Variants in MEIOB observed in about 807,000 individuals in gnomAD.
The protein encoded by MEIOB is meiosis-specific with OB domain-containing protein.
In MEIOB, 50 loss-of-function variants were observed where a neutral mutation model predicts 53.1. The observed-to-expected ratio is 0.94, with a 90% CI of 0.75 to 1.19. The LOEUF is 1.19. Among genes scored for constraint, MEIOB ranks in the 50% most tolerant of loss-of-function variants. The pLI is 0.00. For missense variants in MEIOB, 551 were observed against 550.8 expected, an observed-to-expected ratio of 1.00 and a Z score of 0.00; for synonymous variants, 192 against 182.5, an observed-to-expected ratio of 1.05 and a Z score of -0.42.
intron 6 of MEIOB, among the ~76,000 whole-genome samples, chr16:1,855,093 G>A (rs5006379): frequency 0.82 from 125,109 of 151,828 alleles, 51,633 homozygotes; most frequent in Middle Eastern, 0.9. Flanking sequence ...GAGTTTTAAA[G>A]TGAAACGCCA....
intron 11 of MEIOB, 106 bp from the exon 12 acceptor site, chr16:1,839,544 AACTT>A (rs1200413212): frequency 1.9e-6 from 2 of 1,049,786 alleles, no homozygotes; most frequent in African/African-American, 1.6e-5. Flanking sequence ...GTGTGTGGAA[AACTT>A]ACTGAGTGTT....
Position 1,834,317 on chromosome 16 carries a change from G to C in MEIOB, c.1355C>G (p.Ser452Trp). Residue 452 changes from serine (S) to tryptophan (W), a missense_variant, in exon 14 of 14, where the codon TCG (serine) becomes TGG (tryptophan). Coordinates refer to ENST00000325962, the MANE Select transcript of MEIOB (RefSeq NM_001163560.3). ...CTCAGTAGGATCTGCAAGCTTGCAC[G>C]AGAGTACACTAATTTTCAATCCACT... The part of the protein sequence containing the change: ...ARSGLKISVL[S>W]CKLADPTEAS... 6.2e-7 allele frequency: 1 copy of C among 1,613,086 alleles called. No individual in the cohort carries two copies. The highest frequency in any genetic ancestry group is 8.5e-7 in the Non-Finnish European group (1 of 1,179,198).
In MEIOB at chr16:1,854,168, G is replaced by T. The variant is rs1899240662; in HGVS notation, c.561C>A (p.Asp187Glu). The T allele has an allele frequency of 6.5e-7, 1 of 1,550,188 alleles. No homozygotes were observed. The highest frequency in any genetic ancestry group is 2.0e-5 in the Admixed American group (1 of 50,828). The part of the protein sequence containing the change: ...VGEPKYFTTS[D>E]RRKGQRCEVR... ...CTTCACACCTCTGGCCTTTTCTCCG[G>T]TCTGAAGTTGTAAAGTATTTTGGCT... The change falls in exon 7 of 14, where the codon GAC (aspartate) becomes GAA (glutamate). Residue 187 changes from aspartate (D) to glutamate (E), a missense_variant. Coordinates refer to ENST00000325962, the MANE Select transcript of MEIOB (RefSeq NM_001163560.3).
chr16:1,853,972 T>C (rs978738467), intron 7 of MEIOB, 128 bp downstream of exon 7: 3 of 663,236 alleles, frequency 4.5e-6, no homozygotes, highest in African/African-American at 1.8e-5. Context: ...GATTTATTTT[T>C]TAAAATATCA....
intron 9 of MEIOB, 99 bp downstream of exon 9, chr16:1,852,940 T>A: frequency 1.3e-6 from 1 of 765,678 alleles, no homozygotes; most frequent in Non-Finnish European, 2.1e-6. Context: ...TAATTTGAAT[T>A]AAATCCAGGC....
At chr16:1,867,462 ATTTTTTTTTTT>A (rs869208139) in intron 2 of MEIOB, among the ~76,000 whole-genome samples, 13 of 102,930 alleles carry the variant, frequency 1.3e-4, no homozygotes, top group African/African-American at 5.1e-4. Flanking sequence ...AAATGGTTTA[ATTTTTTTTTTT>A]TTTTTTTTTT....
intron 7 of MEIOB, 130 bp downstream of exon 7, chr16:1,853,970 T>C (rs1431916316): frequency 3.0e-6 from 2 of 660,520 alleles, no homozygotes; most frequent in African/African-American, 1.8e-5. Flanking sequence ...GAGATTTATT[T>C]TTTAAAATAT....
intron 9 of MEIOB, among the ~76,000 whole-genome samples, chr16:1,845,592 G>A (rs1469061456): frequency 6.6e-6 from 1 of 151,988 alleles, no homozygotes; most frequent in Admixed American, 6.6e-5. Context: ...TCTCTAGACA[G>A]TGGGATTGTA....
In MEIOB at chr16:1,844,928, G is replaced by C. The variant is rs35694423; in HGVS notation, c.814C>G (p.Arg272Gly). 1 of 1,551,334 alleles carries C rather than the reference G, an allele frequency of 6.4e-7. No homozygotes were observed. The highest frequency in any genetic ancestry group is 1.7e-5 in the Admixed American group (1 of 58,044). Residue 272 changes from arginine (R) to glycine (G), a missense_variant, in exon 10 of 14, where the codon CGA (arginine) becomes GGA (glycine). Transcript: ENST00000325962. ...AGAACATTCGTTTCTTTATTTTCTCGTATAAAATTCAGCAGAATGTTAGCT... is the reference window on the plus strand; with the variant it reads ...AGAACATTCGTTTCTTTATTTTCTCCTATAAAATTCAGCAGAATGTTAGCT... ...PEANILLNFI[R>G]ENKETNVLDD...
intron 11 of MEIOB, 114 bp from the exon 12 acceptor site, chr16:1,839,552 G>T: frequency 2.1e-6 from 2 of 931,192 alleles, no homozygotes; most frequent in Non-Finnish European, 3.2e-6. Flanking sequence ...AAAACTTACT[G>T]AGTGTTCAGT....
intron 9 of MEIOB, among the ~76,000 whole-genome samples, chr16:1,846,457 G>C (rs1321209174): frequency 1.3e-5 from 2 of 152,172 alleles, no homozygotes; most frequent in Non-Finnish European, 2.9e-5. Flanking sequence ...AAGCCATTTA[G>C]AGCTTCTTAA....
chr16:1,839,681 CT>C, intron 11 of MEIOB: 1 of 431,352 alleles, frequency 2.3e-6, no homozygotes, highest in East Asian at 4.3e-5. Flanking sequence ...TTCCCTCCCT[CT>C]GCCAAGCCCT....
chr16:1,834,124 T>C lies in MEIOB; in HGVS notation c.*132A>G. 1.7e-6 allele frequency: 1 copy of C among 604,994 alleles called. No homozygotes were observed. The highest frequency in any genetic ancestry group is 2.9e-6 in the Non-Finnish European group (1 of 341,614). The allele number at this position is 604,994 out of a possible 1,614,324, so 37.5% of individuals were successfully genotyped here. On this transcript the variant is annotated 3_prime_UTR_variant, in exon 14 of 14. Coordinates refer to ENST00000325962, the MANE Select transcript of MEIOB (RefSeq NM_001163560.3). ...AGACTCACCCAGACCACCTCCACCA[T>C]AACAATTTCTAGAAACATGTTCACC...
chr16:1,840,582 C>T (rs182339327), intron 11 of MEIOB, among the ~76,000 whole-genome samples: 102 of 150,442 alleles, frequency 6.8e-4, no homozygotes, highest in African/African-American at 2.4e-3. Context: ...CTCGCTCTGT[C>T]GCCCAGGATG....
At chr16:1,859,800 G>A (rs1899399039) in intron 5 of MEIOB, among the ~76,000 whole-genome samples, 1 of 152,014 alleles carries the variant, frequency 6.6e-6, no homozygotes, top group Admixed American at 6.6e-5. Flanking sequence ...CTCCAGAACT[G>A]CCAGACCCGC....
chr16:1,842,709 G>A (rs546486085), intron 10 of MEIOB, among the ~76,000 whole-genome samples: 14 of 150,530 alleles, frequency 9.3e-5, no homozygotes, highest in Middle Eastern at 3.4e-3. Context: ...TGTCGCCCAG[G>A]CGGTAGTGCA....
chr16:1,857,874 T>C lies in MEIOB; in HGVS notation c.389A>G (p.Tyr130Cys). ...NHSTVKVCSS[Y>C]EVDTKLLSLI... is the part of the protein sequence containing the mutation. Reference sequence around the variant, plus strand: ...AGAAAGTAACTTTGTGTCCACTTCATAACTGGAACAAACTTTTACTGTTGA... The same window carrying C: ...AGAAAGTAACTTTGTGTCCACTTCACAACTGGAACAAACTTTTACTGTTGA... Residue 130 changes from tyrosine to cysteine, a missense_variant, in exon 6 of 14, where the codon TAT becomes TGT. Tyr to Cys is a radical substitution (Grantham distance 194). Coordinates refer to ENST00000325962, the MANE Select transcript of MEIOB (RefSeq NM_001163560.3). 1.3e-6 allele frequency: 2 copies of C among 1,551,422 alleles called. No individual in the cohort carries two copies. The highest frequency in any genetic ancestry group is 2.4e-5 in the South Asian group (2 of 83,996).
At chr16:1,867,281 ATG>A (rs1899616410) in intron 2 of MEIOB, among the ~76,000 whole-genome samples, 2 of 151,222 alleles carry the variant, frequency 1.3e-5, no homozygotes, top group African/African-American at 4.9e-5. Context: ...AACAGTCGAG[ATG>A]TGTTCAAAAT....
intron 3 of MEIOB, among the ~76,000 whole-genome samples, chr16:1,864,754 CT>C (rs781108860): frequency 2.0e-5 from 3 of 152,080 alleles, no homozygotes; most frequent in Admixed American, 1.3e-4. Context: ...TCCCAAACTG[CT>C]GGGATTACAG....
Sources: gnomAD v4.1 joint callset for allele counts (sites outside exome capture counted in the v4.1 genomes callset) on GRCh38, gnomAD v4.1.1 for gene constraint, MANE v1.5 for transcripts, NCBI Gene and HGNC (gene_info 2026-07-23, HGNC 2026-07-21) for gene names.